The following THRB variants were observed in gnomAD, a reference collection of about 807,000 sequenced individuals.
THRB encodes thyroid hormone receptor beta.
Under a neutral mutation model 47.8 loss-of-function variants are expected in THRB, and 12 were observed. The ratio of observed to expected loss-of-function variants is 0.25; its 90% CI spans 0.16 to 0.41. THRB has a LOEUF of 0.41. Ranked by LOEUF, THRB falls within the 10% of genes least tolerant of loss-of-function variation. The pLI is 1.00. For missense variants in THRB, 348 were observed against 589.2 expected (o/e 0.59, Z 4.24); for synonymous variants, 218 against 212.2 (o/e 1.03, Z -0.24).
chr3:24,144,420 G>C (rs146990706), intron 7 of THRB: 4 of 152,638 alleles, frequency 2.6e-5, no homozygotes, highest in Non-Finnish European at 4.4e-5. Flanking sequence ...GTGACCTCTG[G>C]CAAGTTCCTT....
intron 1 of THRB, among the ~76,000 whole-genome samples, chr3:24,340,538 G>A (rs937715369): frequency 2.0e-5 from 3 of 151,170 alleles, no homozygotes; most frequent in African/African-American, 7.3e-5. Flanking sequence ...TATTTTGACA[G>A]TTAAATAGTA....
intron 9 of THRB, among the ~76,000 whole-genome samples, chr3:24,130,504 A>AGAGTT (rs1411133108): frequency 2.6e-5 from 4 of 152,102 alleles, no homozygotes; most frequent in African/African-American, 9.7e-5. Flanking sequence ...CAGGCTGGCT[A>AGAGTT]GAGTTGTAGG....
At chr3:24,438,532 T>C (rs1468314010) in intron 1 of THRB, among the ~76,000 whole-genome samples, 1 of 150,128 alleles carries the variant, frequency 6.7e-6, no homozygotes, top group Admixed American at 6.6e-5. Context: ...TGTGTGTGTG[T>C]GTGTGCACAT....
chr3:24,425,576 G>A (rs1352787811), intron 1 of THRB, among the ~76,000 whole-genome samples: 1 of 151,838 alleles, frequency 6.6e-6, no homozygotes, highest in Non-Finnish European at 1.5e-5. Context: ...TTATTAATAA[G>A]AACTATAAAT....
At chr3:24,379,522 G>A (rs1200142640) in intron 1 of THRB, among the ~76,000 whole-genome samples, 3 of 152,042 alleles carry the variant, frequency 2.0e-5, no homozygotes, top group African/African-American at 4.8e-5. Context: ...TTTATTATTC[G>A]TGTTGTCTGA....
chr3:24,364,072 C>A (rs1236752455), intron 1 of THRB, among the ~76,000 whole-genome samples: 1 of 152,044 alleles, frequency 6.6e-6, no homozygotes, highest in Non-Finnish European at 1.5e-5. Context: ...CTTAATGAAA[C>A]AAAGTACATA....
chr3:24,213,921 G>A (rs2046309952), intron 4 of THRB, among the ~76,000 whole-genome samples: 1 of 152,138 alleles, frequency 6.6e-6, no homozygotes, highest in African/African-American at 2.4e-5. Flanking sequence ...TGGTGCATTT[G>A]GCCTGCAGAT....
chr3:24,152,960 CAA>C (rs746418494), intron 5 of THRB, among the ~76,000 whole-genome samples: 2 of 86,950 alleles, frequency 2.3e-5, no homozygotes, highest in Admixed American at 1.3e-4. Context: ...GAAATTCTGC[CAA>C]AAAAAAAAAA....
chr3:24,481,218 C>A (rs9850667), intron 1 of THRB, among the ~76,000 whole-genome samples: 81,011 of 131,280 alleles, frequency 0.62, 24,200 homozygotes, highest in Non-Finnish European at 0.67. Context: ...TGTGTGGATG[C>A]GTTTCTTTCT....
rs151223835 is a variant in THRB at position 24,470,170 on chromosome 3, G to A, written c.-261+24482C>T. Among the ~76,000 whole-genome samples the A allele has an allele frequency of 9.2e-5, 14 of 152,264 alleles. No homozygotes were observed. In the East Asian group the frequency reaches 2.7e-3, roughly 29 times the overall value. On this transcript the variant is annotated intron_variant, in intron 1 of 10. Transcript: ENST00000646209. ...CTCCTAGCTTTGCTTGAATATCACA[G>A]AACTCTAAACACCAGACGCTAGATA...
chr3:24,378,778 C>G (rs139480668), intron 1 of THRB, among the ~76,000 whole-genome samples: 89 of 152,120 alleles, frequency 5.9e-4, no homozygotes, highest in Middle Eastern at 3.4e-3. Context: ...TTCTAGGAAA[C>G]TAACTTTATT....
intron 1 of THRB, among the ~76,000 whole-genome samples, chr3:24,387,584 C>T (rs973827751): frequency 7.9e-5 from 12 of 152,254 alleles, no homozygotes; most frequent in African/African-American, 2.2e-4. Context: ...ACTTCTTGCA[C>T]GCAGGAAACC....
intron 4 of THRB, among the ~76,000 whole-genome samples, chr3:24,202,075 A>G (rs1351683172): frequency 6.6e-6 from 1 of 152,212 alleles, no homozygotes; most frequent in Non-Finnish European, 1.5e-5. Context: ...AGGCCCAAGT[A>G]GGATTAGCTG....
chr3:24,390,130 T>C (rs2066447409), intron 1 of THRB, among the ~76,000 whole-genome samples: 1 of 152,086 alleles, frequency 6.6e-6, no homozygotes, highest in Non-Finnish European at 1.5e-5. Context: ...CTCCCACTGA[T>C]GACAACATGC....
At chr3:24,322,288 C>T (rs1291240489) in intron 2 of THRB, among the ~76,000 whole-genome samples, 1 of 152,126 alleles carries the variant, frequency 6.6e-6, no homozygotes, top group South Asian at 2.1e-4. Context: ...TTAAACTGTT[C>T]TATTCTTTCA....
chr3:24,452,428 C>G lies in THRB; in HGVS notation c.-261+42224G>C, dbSNP rs553610014. Among the ~76,000 whole-genome samples the G allele has an allele frequency of 6.4e-4, 97 of 152,098 alleles. 3 individuals carry two copies. Among genetic ancestry groups the G allele is most frequent in the Admixed American group, 3.9e-3 (60 of 15,276 alleles). On this transcript the variant is annotated intron_variant, in intron 1 of 10. Transcript: ENST00000646209. ...AAAAATGGGGGTAGATTTAAGCAGG[C>G]TGGTGGAGATGCTTACAGCAGGGTT...
chr3:24,336,121 G>A (rs2062233208), intron 2 of THRB, among the ~76,000 whole-genome samples: 1 of 152,190 alleles, frequency 6.6e-6, no homozygotes, highest in Non-Finnish European at 1.5e-5. Context: ...TCTTTTTCTT[G>A]AACATTCTAT....
intron 1 of THRB, among the ~76,000 whole-genome samples, chr3:24,456,612 A>T (rs920232545): frequency 6.6e-6 from 1 of 150,584 alleles, no homozygotes; most frequent in Non-Finnish European, 1.5e-5. Context: ...ACATTAAATT[A>T]AAATTTAAAA....
At chr3:24,130,323 G>C (rs994399091) in intron 9 of THRB, among the ~76,000 whole-genome samples, 1 of 152,164 alleles carries the variant, frequency 6.6e-6, no homozygotes, top group African/African-American at 2.4e-5. Flanking sequence ...CGCCCTTGCC[G>C]TGGATGAAAG....
Sources: allele counts gnomAD v4.1 joint callset (sites outside exome capture counted in the v4.1 genomes callset), GRCh38; gene constraint gnomAD v4.1.1; transcripts MANE v1.5; gene names NCBI Gene and HGNC (gene_info 2026-07-23, HGNC 2026-07-21).